Variants in DCC observed in about 807,000 individuals in gnomAD.
DCC encodes DCC netrin 1 receptor.
In DCC, 58 loss-of-function variants were observed where a neutral mutation model predicts 172.5. The observed-to-expected ratio is 0.34, with a 90% CI of 0.27 to 0.42. DCC has a LOEUF of 0.42. Ranked by LOEUF, DCC falls within the 10% of genes least tolerant of loss-of-function variation. The probability of loss-of-function intolerance (pLI) is 1.00; values close to 1 mark genes in which losing one functional copy is unlikely to be tolerated. For synonymous variants in DCC, 709 were observed against 644.5 expected (o/e 1.10, Z -1.52); for missense variants, 1,740 against 1,791.0 (o/e 0.97, Z 0.51).
chr18:52,721,382 A>G (rs12103980), intron 1 of DCC, among the ~76,000 whole-genome samples: 148,949 of 152,272 alleles, frequency 0.98, 72,921 homozygotes, highest in East Asian at 1. Flanking sequence ...GATATTATAA[A>G]CAAACTTTGA....
intron 5 of DCC, among the ~76,000 whole-genome samples, chr18:53,002,347 A>C (rs1443454600): frequency 6.6e-6 from 1 of 152,174 alleles, no homozygotes; most frequent in Non-Finnish European, 1.5e-5. Flanking sequence ...ACAATACAGA[A>C]ATTATAAATG....
intron 1 of DCC, among the ~76,000 whole-genome samples, chr18:52,653,057 G>A (rs1361242892): frequency 6.6e-6 from 1 of 152,078 alleles, no homozygotes; most frequent in East Asian, 1.9e-4. Flanking sequence ...GTCACTGTTG[G>A]GCTGACAGAA....
At chr18:53,045,489 C>A (rs1056253869) in intron 5 of DCC, among the ~76,000 whole-genome samples, 13 of 151,784 alleles carry the variant, frequency 8.6e-5, no homozygotes, top group African/African-American at 3.1e-4. Context: ...TCCCAAATGA[C>A]AAAGGTGGCC....
intron 1 of DCC, among the ~76,000 whole-genome samples, chr18:52,731,233 T>C (rs1432916778): frequency 6.6e-6 from 1 of 152,228 alleles, no homozygotes; most frequent in African/African-American, 2.4e-5. Context: ...TGTTAATACA[T>C]GCAAATGTGA....
chr18:52,403,232 G>A (rs182375268), intron 1 of DCC, among the ~76,000 whole-genome samples: 1 of 152,006 alleles, frequency 6.6e-6, no homozygotes, highest in African/African-American at 2.4e-5. Flanking sequence ...ATGATATGTG[G>A]TATCTACAAG....
chr18:52,459,949 C>A (rs2144535777), intron 1 of DCC, among the ~76,000 whole-genome samples: 1 of 151,574 alleles, frequency 6.6e-6, no homozygotes, highest in East Asian at 1.9e-4. Context: ...TTTTCTTTAT[C>A]TAGTCTACCA....
intron 1 of DCC, among the ~76,000 whole-genome samples, chr18:52,749,095 G>A (rs993124200): frequency 6.6e-6 from 1 of 152,122 alleles, no homozygotes; most frequent in Admixed American, 6.5e-5. Context: ...AGTTACTGGG[G>A]AAGCTGAGGC....
At chr18:53,476,747 G>T (rs1253459738) in intron 25 of DCC, among the ~76,000 whole-genome samples, 1 of 152,050 alleles carries the variant, frequency 6.6e-6, no homozygotes, top group Non-Finnish European at 1.5e-5. Flanking sequence ...GGTACTATAG[G>T]GCACATTCTC....
chr18:53,428,292 TATA>T (rs1485618954), intron 21 of DCC, among the ~76,000 whole-genome samples: 5 of 72,204 alleles, frequency 6.9e-5, no homozygotes, highest in East Asian at 3.9e-4. Flanking sequence ...TTATATAGAA[TATA>T]ATAATATATA....
intron 1 of DCC, among the ~76,000 whole-genome samples, chr18:52,648,321 A>G (rs903209734): frequency 6.6e-6 from 1 of 152,238 alleles, no homozygotes; most frequent in Non-Finnish European, 1.5e-5. Context: ...CGTGAGAACC[A>G]GTTGTTAAAC....
intron 13 of DCC, 114 bp downstream of exon 13, chr18:53,305,833 T>A: frequency 9.6e-7 from 1 of 1,041,412 alleles, no homozygotes. Flanking sequence ...TCCAGGCAGG[T>A]GACATCTATT....
intron 12 of DCC, among the ~76,000 whole-genome samples, chr18:53,300,958 A>ATTCTTTCTTTCTTTTTCT (rs1436953257): frequency 3.7e-5 from 3 of 81,696 alleles, no homozygotes; most frequent in African/African-American, 1.6e-4. Flanking sequence ...TTGGTTCTGG[A>ATTCTTTCTTTCTTTTTCT]TTCATTCTTT....
chr18:52,701,502 T>G (rs1294606077), intron 1 of DCC, among the ~76,000 whole-genome samples: 1 of 152,140 alleles, frequency 6.6e-6, no homozygotes, highest in East Asian at 1.9e-4. Context: ...CGAAATGCAA[T>G]AACAAACATA....
Position 53,397,326 on chromosome 18 carries a change from C to G in DCC, c.2707C>G (p.Leu903Val). 6.2e-7 allele frequency: 1 copy of G among 1,613,734 alleles called. No individual in the cohort carries two copies. Among genetic ancestry groups the G allele is most frequent in the South Asian group, 1.1e-5 (1 of 91,052 alleles). ...AKYKSEDTTSLSYTATGLKPN... is the reference protein window; with the variant it reads ...AKYKSEDTTSVSYTATGLKPN... Reference sequence around the variant, plus strand: ...TGTATAGTCAGAAGACACAACATCTCTAAGTTACACAGCAACAGGCCTCAA... The same window carrying G: ...TGTATAGTCAGAAGACACAACATCTGTAAGTTACACAGCAACAGGCCTCAA... Residue 903 changes from leucine to valine, a missense_variant, in exon 18 of 29, where the codon CTA becomes GTA. Coordinates refer to ENST00000442544, the MANE Select transcript of DCC (RefSeq NM_005215.4).
At chr18:53,159,304 C>G (rs1006960850) in intron 8 of DCC, among the ~76,000 whole-genome samples, 2 of 152,118 alleles carry the variant, frequency 1.3e-5, no homozygotes, top group African/African-American at 4.8e-5. Context: ...ATGTTAGTAT[C>G]TTCCATCCCC....
chr18:52,768,181 T>G (rs1352903235), intron 2 of DCC, among the ~76,000 whole-genome samples: 2 of 152,234 alleles, frequency 1.3e-5, no homozygotes, highest in East Asian at 3.9e-4. Flanking sequence ...TTTTCAGAGC[T>G]TTATAACTCA....
At position 53,391,997 on chromosome 18, in the gene DCC, T is replaced by C. The variant is rs893274838; in HGVS notation, c.2688+110T>C. On this transcript the variant is annotated intron_variant, in intron 17 of 28. Coordinates refer to ENST00000442544, the MANE Select transcript of DCC (RefSeq NM_005215.4). ...GAGTCGTTTTGCTGCTGTGTATCTA[T>C]GTAGAAAAACAAAGCATTTTAATAA... 6.0e-5 allele frequency: 43 copies of C among 712,328 alleles called. No homozygotes were observed. In the Middle Eastern group the frequency reaches 7.3e-4, roughly 12 times the overall value. The allele number at this position is 712,328 out of a possible 1,614,324, so 44.1% of individuals were successfully genotyped here. A position where few individuals can be genotyped will look rare whatever the true frequency, so the allele number is the denominator to read the frequency against.
chr18:52,407,839 C>G (rs1282770048), intron 1 of DCC, among the ~76,000 whole-genome samples: 1 of 151,988 alleles, frequency 6.6e-6, no homozygotes, highest in Admixed American at 6.6e-5. Flanking sequence ...ATATTTTGTA[C>G]CAAAATACCC....
chr18:52,741,976 C>G (rs1243585118), intron 1 of DCC, among the ~76,000 whole-genome samples: 3 of 152,068 alleles, frequency 2.0e-5, no homozygotes, highest in African/African-American at 7.2e-5. Context: ...GGTAAGTCCC[C>G]CATGATAGGA....
Sources: gnomAD v4.1 joint callset for allele counts (sites outside exome capture counted in the v4.1 genomes callset) on GRCh38, gnomAD v4.1.1 for gene constraint, MANE v1.5 for transcripts, NCBI Gene and HGNC (gene_info 2026-07-23, HGNC 2026-07-21) for gene names.